CAPZA1: variants seen among roughly 807,000 people sequenced by gnomAD.
The protein encoded by CAPZA1 is capping actin protein of muscle Z-line subunit alpha 1, also known as F-actin-capping protein subunit alpha-1.
CAPZA1 carries 10 observed loss-of-function variants against 40.8 expected under a neutral mutation model. The ratio of observed to expected loss-of-function variants is 0.25; its 90% CI spans 0.15 to 0.42. The LOEUF is 0.42. Ranked by LOEUF, CAPZA1 falls within the 10% of genes least tolerant of loss-of-function variation. The pLI, the probability that CAPZA1 is intolerant of heterozygous loss-of-function variation, is 1.00. For synonymous variants in CAPZA1, 98 were observed against 115.0 expected (o/e 0.85, Z 0.95); for missense variants, 277 against 353.8 (o/e 0.78, Z 1.74).
chr1:112,633,729 C>T lies in CAPZA1; in HGVS notation c.40-13481C>T, dbSNP rs542017213. ...CCCACCAACAGAAGGGTTCCTTTTT[C>T]TCCTTATCCTGGCCCAAGACTTGTT... On this transcript the variant is annotated intron_variant, in intron 1 of 9. Coordinates refer to ENST00000263168, the MANE Select transcript of CAPZA1 (RefSeq NM_006135.3). 9.3e-4 allele frequency among the ~76,000 whole-genome samples: 141 copies of T among 152,240 alleles called. 1 individual carries two copies. Among genetic ancestry groups the T allele is most frequent in the African/African-American group, 3.3e-3 (137 of 41,562 alleles).
chr1:112,620,062 G>GC, intron 1 of CAPZA1, 179 bp downstream of exon 1: 1 of 556,376 alleles, frequency 1.8e-6, no homozygotes, highest in Admixed American at 3.3e-5. Context: ...CCTCACGGTG[G>GC]CCCCAGTTCC....
At chr1:112,626,541 A>G (rs762318560) in intron 1 of CAPZA1, among the ~76,000 whole-genome samples, 7 of 152,088 alleles carry the variant, frequency 4.6e-5, no homozygotes, top group Admixed American at 1.3e-4. Context: ...AATATTACCA[A>G]TTCCTCTTGT....
chr1:112,640,190 G>A (rs1570709188), intron 1 of CAPZA1, among the ~76,000 whole-genome samples: 1 of 123,450 alleles, frequency 8.1e-6, no homozygotes, highest in African/African-American at 3.2e-5. Context: ...AGGGAGGTGG[G>A]GGGGTCAGCC....
At chr1:112,659,911 G>A in intron 7 of CAPZA1, 132 bp downstream of exon 7, 1 of 667,876 alleles carries the variant, frequency 1.5e-6, no homozygotes, top group Non-Finnish European at 2.6e-6. Context: ...AGAAATAGAA[G>A]CCTCCTTCTT....
intron 3 of CAPZA1, 43 bp downstream of exon 3, chr1:112,649,512 TGGATAAA>T: frequency 2.8e-6 from 4 of 1,434,032 alleles, no homozygotes; most frequent in Non-Finnish European, 3.9e-6. Flanking sequence ...ACTCTAACAT[TGGATAAA>T]CTATGTTGAC....
chr1:112,622,594 G>A (rs1202184855), intron 1 of CAPZA1, among the ~76,000 whole-genome samples: 1 of 152,154 alleles, frequency 6.6e-6, no homozygotes, highest in Non-Finnish European at 1.5e-5. Context: ...CTGGAAAAAA[G>A]TGTGACTAGC....
At chr1:112,646,161 CAG>C (rs1157592921) in intron 1 of CAPZA1, among the ~76,000 whole-genome samples, 2 of 152,152 alleles carry the variant, frequency 1.3e-5, no homozygotes, top group African/African-American at 2.4e-5. Context: ...AGAATGGCAA[CAG>C]GGGGCAGAGG....
chr1:112,653,579 AACT>A lies in CAPZA1; in HGVS notation c.156-18_156-16del. ...CCTCTTTTTTTTTTTTTTTTTAAAA[AACT>A]TTTAAAAAAAAACAGTGCATTTGCC... On this transcript the variant is annotated splice_polypyrimidine_tract_variant and intron_variant, in intron 3 of 9. Coordinates refer to ENST00000263168, the MANE Select transcript of CAPZA1 (RefSeq NM_006135.3). The A allele has an allele frequency of 6.7e-7, 1 of 1,496,902 alleles. No individual in the cohort carries two copies. Among genetic ancestry groups the A allele is most frequent in the Non-Finnish European group, 9.0e-7 (1 of 1,106,662 alleles). The allele number at this position is 1,496,902 out of a possible 1,614,324, so 92.7% of individuals were successfully genotyped here. A position where few individuals can be genotyped will look rare whatever the true frequency, so the allele number is the denominator to read the frequency against.
chr1:112,647,099 C>T lies in CAPZA1; in HGVS notation c.40-111C>T, dbSNP rs923363465. On this transcript the variant is annotated intron_variant, in intron 1 of 9. Transcript: ENST00000263168. ...GACTCCTAAACAGTAAATGTTTAAA[C>T]AGAACATTTTTTTCAAGGGATATGA... is the stretch of plus-strand genomic sequence containing the variant. 1.1e-5 allele frequency: 6 copies of T among 522,540 alleles called. No homozygotes were observed. The East Asian group carries it at 1.6e-4, about 14-fold the overall frequency. 32.4% of individuals were successfully genotyped at this position (522,540 alleles called of 1,614,324 possible).
In CAPZA1 at chr1:112,654,570, C is replaced by CA. The variant is rs764722962; in HGVS notation, c.326dup (p.Pro110AlafsTer16). 1 of 1,613,844 alleles carries CA rather than the reference C, an allele frequency of 6.2e-7. No homozygotes were observed. The highest frequency in any genetic ancestry group is 1.3e-5 in the African/African-American group (1 of 74,924). ...CTTACGGAAAGAAGCAAGTGACCCC[C>CA]AGCCAGAAGAAGCAGATGGAGGTCT... On this transcript the variant is annotated frameshift_variant, in exon 5 of 10. Coordinates refer to ENST00000263168, the MANE Select transcript of CAPZA1 (RefSeq NM_006135.3). LOFTEE classifies it high-confidence loss of function.
At chr1:112,668,965 T>C (rs961785604) in intron 8 of CAPZA1, among the ~76,000 whole-genome samples, 5 of 152,248 alleles carry the variant, frequency 3.3e-5, no homozygotes, top group Admixed American at 1.3e-4. Context: ...CAGCTCTAGA[T>C]ATTAAATCCT....
intron 7 of CAPZA1, 74 bp from the exon 8 acceptor site, chr1:112,667,000 C>A: frequency 1.0e-6 from 1 of 993,158 alleles, no homozygotes; most frequent in South Asian, 1.5e-5. Context: ...TAGCTTAAAG[C>A]ATGGATTTGT....
intron 3 of CAPZA1, among the ~76,000 whole-genome samples, chr1:112,653,240 A>C (rs902541978): frequency 1.3e-5 from 2 of 152,208 alleles, no homozygotes; most frequent in African/African-American, 4.8e-5. Flanking sequence ...ACAGATGGGA[A>C]GATCTCTTGA....
chr1:112,628,016 T>G lies in CAPZA1; in HGVS notation c.39+8133T>G, dbSNP rs1670849523. On this transcript the variant is annotated intron_variant, in intron 1 of 9. Coordinates refer to ENST00000263168, the MANE Select transcript of CAPZA1 (RefSeq NM_006135.3). ...AGCTTAAGTATGCCGTGAAGAGTTC[T>G]AGTATTTATGCTGTGTTATTAAACA... Among the ~76,000 whole-genome samples the G allele has an allele frequency of 2.0e-5, 3 of 152,102 alleles. No individual in the cohort carries two copies. The South Asian group carries it at 6.2e-4, about 31-fold the overall frequency.
intron 5 of CAPZA1, among the ~76,000 whole-genome samples, chr1:112,657,645 A>G (rs530244089): frequency 6.6e-6 from 1 of 151,872 alleles, no homozygotes; most frequent in African/African-American, 2.4e-5. Context: ...AGGCTGGCGT[A>G]CAGTGGCATG....
chr1:112,653,585 TA>T lies in CAPZA1; in HGVS notation c.156-4del, dbSNP rs3215019. 71 of 1,449,112 alleles carry T rather than the reference TA, an allele frequency of 4.9e-5. No individual in the cohort carries two copies. The highest frequency in any genetic ancestry group is 1.9e-4 in the Middle Eastern group (1 of 5,356). The allele number at this position is 1,449,112 out of a possible 1,614,324, so 89.8% of individuals were successfully genotyped here. ...TTTTTTTTTTTTTTTAAAAAACTTT[TA>T]AAAAAAAACAGTGCATTTGCCCAGT... On this transcript the variant is annotated splice_polypyrimidine_tract_variant and intron_variant, in intron 3 of 9. Transcript: ENST00000263168.
intron 7 of CAPZA1, among the ~76,000 whole-genome samples, chr1:112,665,905 C>G (rs1284239459): frequency 1.3e-5 from 2 of 152,210 alleles, no homozygotes; most frequent in Non-Finnish European, 2.9e-5. Flanking sequence ...CATTATGTCT[C>G]CAATAGCAGC....
chr1:112,643,950 T>G (rs1671231212), intron 1 of CAPZA1, among the ~76,000 whole-genome samples: 1 of 152,032 alleles, frequency 6.6e-6, no homozygotes, highest in Non-Finnish European at 1.5e-5. Context: ...GTTCAAGAGA[T>G]TCTCCTGCCT....
Position 112,671,382 on chromosome 1 carries a change from C to G in CAPZA1, c.*1250C>G, listed in dbSNP as rs1385912008. 1 of 152,590 alleles carries G rather than the reference C, an allele frequency of 6.6e-6. No homozygotes were observed. Among genetic ancestry groups the G allele is most frequent in the African/African-American group, 2.4e-5 (1 of 41,434 alleles). The allele number at this position is 152,590 out of a possible 1,614,324, so 9.5% of individuals were successfully genotyped here. On this transcript the variant is annotated 3_prime_UTR_variant, in exon 10 of 10. Transcript: ENST00000263168. ...TTTTTAAAAAACCAAGTAGTGTCTT[C>G]CTACCTATCTCCAGATACATGTCAA...
Sources: allele counts gnomAD v4.1 joint callset (sites outside exome capture counted in the v4.1 genomes callset), GRCh38; gene constraint gnomAD v4.1.1; transcripts MANE v1.5; gene names NCBI Gene and HGNC (gene_info 2026-07-23, HGNC 2026-07-21).